Variants in ROBO1 observed in about 807,000 individuals in gnomAD.
The protein encoded by ROBO1 is roundabout guidance receptor 1.
Under a neutral mutation model 195.9 loss-of-function variants are expected in ROBO1, and 149 were observed. The observed-to-expected ratio is 0.76, with a 90% CI of 0.67 to 0.87. The LOEUF (loss-of-function observed/expected upper bound fraction) is 0.87. ROBO1 is among the 40% of genes least tolerant of loss of function. The pLI is 0.00. For missense variants in ROBO1, 1,933 were observed against 2,068.3 expected (o/e 0.93, Z 1.27); for synonymous variants, 816 against 733.2 (o/e 1.11, Z -1.82).
At chr3:79,348,720 G>A (rs965685201) in intron 2 of ROBO1, among the ~76,000 whole-genome samples, 1 of 152,162 alleles carries the variant, frequency 6.6e-6, no homozygotes, top group Non-Finnish European at 1.5e-5. Context: ...ACAACTACCA[G>A]TGAGGTGCCT....
At chr3:79,720,994 G>A (rs950089128) in intron 1 of ROBO1, among the ~76,000 whole-genome samples, 6 of 152,028 alleles carry the variant, frequency 3.9e-5, no homozygotes, top group African/African-American at 1.4e-4. Context: ...GGTTTTCATC[G>A]TGTTAGCCAC....
rs191863756 is a variant in ROBO1, at chr3:79,460,802, C to A, written c.88+129022G>T. ...TCGCTCTGTCGCCCAGGCTGGAGTGCAGTGGCGCGATCTCAGCTCACTGCA... is the reference window on the plus strand; with the variant it reads ...TCGCTCTGTCGCCCAGGCTGGAGTGAAGTGGCGCGATCTCAGCTCACTGCA... On this transcript the variant is annotated intron_variant, in intron 2 of 30. Transcript: ENST00000464233. Among the ~76,000 whole-genome samples the A allele has an allele frequency of 5.1e-4, 77 of 152,018 alleles. No individual in the cohort carries two copies. The East Asian group carries it at 0.015, about 29-fold the overall frequency.
chr3:79,762,778 A>C (rs1159116260), intron 1 of ROBO1, among the ~76,000 whole-genome samples: 1 of 152,180 alleles, frequency 6.6e-6, no homozygotes, highest in Non-Finnish European at 1.5e-5. Flanking sequence ...AGAAATTGTC[A>C]TTTTTGCCCT....
intron 1 of ROBO1, among the ~76,000 whole-genome samples, chr3:79,591,573 C>T (rs1408559512): frequency 1.3e-5 from 2 of 151,826 alleles, no homozygotes; most frequent in African/African-American, 4.8e-5. Context: ...TTGTAACTCT[C>T]CTTACCCTAG....
chr3:79,155,195 T>C (rs1174770498), intron 2 of ROBO1, among the ~76,000 whole-genome samples: 1 of 151,718 alleles, frequency 6.6e-6, no homozygotes, highest in Non-Finnish European at 1.5e-5. Context: ...TCTACCCTTT[T>C]TTTTTTTCTG....
chr3:79,012,694 C>A (rs2077813767), intron 3 of ROBO1, among the ~76,000 whole-genome samples: 1 of 152,140 alleles, frequency 6.6e-6, no homozygotes, highest in African/African-American at 2.4e-5. Flanking sequence ...TTTGTAGCAG[C>A]CTGTTTTGGC....
At chr3:79,332,509 A>G (rs1467412290) in intron 2 of ROBO1, among the ~76,000 whole-genome samples, 4 of 152,212 alleles carry the variant, frequency 2.6e-5, no homozygotes. Context: ...TTCCACTAGA[A>G]TACATACACA....
At chr3:78,899,763 C>A (rs2037471920) in intron 4 of ROBO1, among the ~76,000 whole-genome samples, 1 of 152,010 alleles carries the variant, frequency 6.6e-6, no homozygotes, top group South Asian at 2.1e-4. Flanking sequence ...CTATTTACTA[C>A]AAAACGGCGA....
At chr3:79,106,671 A>T (rs921289543) in intron 3 of ROBO1, among the ~76,000 whole-genome samples, 1 of 151,692 alleles carries the variant, frequency 6.6e-6, no homozygotes, top group Non-Finnish European at 1.5e-5. Context: ...AGTTAACACG[A>T]GTGTGAATGA....
At chr3:79,163,955 A>T (rs533264639) in intron 2 of ROBO1, among the ~76,000 whole-genome samples, 2 of 152,260 alleles carry the variant, frequency 1.3e-5, no homozygotes, top group South Asian at 4.1e-4. Context: ...TATGGTAATG[A>T]CATTGATGAT....
chr3:79,470,847 T>C (rs1358009382), intron 2 of ROBO1, among the ~76,000 whole-genome samples: 1 of 152,198 alleles, frequency 6.6e-6, no homozygotes, highest in Non-Finnish European at 1.5e-5. Flanking sequence ...CTTTCCTTTA[T>C]AAATTACCCA....
chr3:79,756,125 G>C (rs1248322732), intron 1 of ROBO1, among the ~76,000 whole-genome samples: 1 of 152,130 alleles, frequency 6.6e-6, no homozygotes. Flanking sequence ...ATGCATTGTA[G>C]GTATGTTCAT....
intron 2 of ROBO1, among the ~76,000 whole-genome samples, chr3:79,430,354 C>G (rs943515279): frequency 1.3e-5 from 2 of 152,108 alleles, no homozygotes; most frequent in African/African-American, 4.8e-5. Flanking sequence ...TATAAGGATG[C>G]AGACAACCTA....
At chr3:79,439,830 T>C (rs1239667147) in intron 2 of ROBO1, among the ~76,000 whole-genome samples, 5 of 152,012 alleles carry the variant, frequency 3.3e-5, no homozygotes, top group African/African-American at 1.2e-4. Flanking sequence ...AAACCTCAGA[T>C]AAATCAATAC....
chr3:79,253,768 T>C (rs780117605), intron 2 of ROBO1, among the ~76,000 whole-genome samples: 1 of 152,178 alleles, frequency 6.6e-6, no homozygotes, highest in Non-Finnish European at 1.5e-5. Context: ...CGTGAGTATA[T>C]CTTAGACGCT....
intron 2 of ROBO1, among the ~76,000 whole-genome samples, chr3:79,446,699 T>G (rs1235976670): frequency 6.6e-6 from 1 of 152,214 alleles, no homozygotes; most frequent in East Asian, 1.9e-4. Context: ...GTATGAAATA[T>G]TTGGGGCCAT....
chr3:78,853,861 G>A (rs183420162), intron 4 of ROBO1, among the ~76,000 whole-genome samples: 3 of 152,120 alleles, frequency 2.0e-5, no homozygotes, highest in Admixed American at 2.0e-4. Context: ...AGAACCAAGA[G>A]AAAAGGGTTT....
intron 2 of ROBO1, among the ~76,000 whole-genome samples, chr3:79,357,932 T>A (rs2109293531): frequency 6.6e-6 from 1 of 152,216 alleles, no homozygotes; most frequent in South Asian, 2.1e-4. Context: ...ATGAAATTAA[T>A]GGGGGGATAG....
chr3:78,887,914 C>T (rs1194970329), intron 4 of ROBO1, among the ~76,000 whole-genome samples: 2 of 152,026 alleles, frequency 1.3e-5, no homozygotes. Context: ...TACTCAGCAT[C>T]TCCCCAGGTT....
Sources: gnomAD v4.1 joint callset for allele counts (sites outside exome capture counted in the v4.1 genomes callset) on GRCh38, gnomAD v4.1.1 for gene constraint, MANE v1.5 for transcripts, NCBI Gene and HGNC (gene_info 2026-07-23, HGNC 2026-07-21) for gene names.